ELAVL4: variants seen among roughly 807,000 people sequenced by gnomAD.
ELAVL4 encodes ELAV like RNA binding protein 4.
In ELAVL4, 1 loss-of-function variant was observed where a neutral mutation model predicts 35.6. That is an observed-to-expected ratio of 0.03 (90% CI 0.01 to 0.13). The LOEUF is 0.13. Ranked by LOEUF, ELAVL4 falls within the 10% of genes least tolerant of loss-of-function variation. The pLI, the probability that ELAVL4 is intolerant of heterozygous loss-of-function variation, is 1.00. For synonymous variants in ELAVL4, 156 were observed against 171.0 expected (o/e 0.91, Z 0.69); for missense variants, 267 against 464.9 (o/e 0.57, Z 3.91).
At chr1:50,199,452 T>G (rs2148895168) in intron 6 of ELAVL4, among the ~76,000 whole-genome samples, 1 of 152,288 alleles carries the variant, frequency 6.6e-6, no homozygotes, top group South Asian at 2.1e-4. Flanking sequence ...ATGCCTGTAA[T>G]CCCACCATTT....
intron 3 of ELAVL4, among the ~76,000 whole-genome samples, chr1:50,182,903 T>G (rs932985030): frequency 1.3e-5 from 2 of 151,938 alleles, no homozygotes; most frequent in African/African-American, 4.8e-5. Context: ...AGGGTCTCGC[T>G]TGGGAGTGCA....
At chr1:50,166,365 C>T (rs1041572676) in intron 2 of ELAVL4, among the ~76,000 whole-genome samples, 2 of 152,166 alleles carry the variant, frequency 1.3e-5, no homozygotes, top group African/African-American at 4.8e-5. Flanking sequence ...TACCATTATA[C>T]TGAGTTAACA....
At chr1:50,081,782 A>G (rs1191425106) in intron 1 of ELAVL4, among the ~76,000 whole-genome samples, 1 of 152,112 alleles carries the variant, frequency 6.6e-6, no homozygotes, top group East Asian at 1.9e-4. Context: ...GCACCCATCA[A>G]CCCGTCATCT....
At chr1:50,051,540 C>T (rs1281049940) in intron 1 of ELAVL4, among the ~76,000 whole-genome samples, 1 of 152,204 alleles carries the variant, frequency 6.6e-6, no homozygotes, top group Admixed American at 6.5e-5. Context: ...AAAAGTGGGG[C>T]AGTATATAAT....
chr1:50,153,333 T>G (rs1371918422), intron 2 of ELAVL4, among the ~76,000 whole-genome samples: 3 of 152,224 alleles, frequency 2.0e-5, no homozygotes, highest in African/African-American at 7.2e-5. Flanking sequence ...GTGCTAGGCA[T>G]ATTATAGATG....
upstream of ELAVL4, chr1:50,106,453 C>T: frequency 7.3e-7 from 1 of 1,376,206 alleles, no homozygotes; most frequent in Non-Finnish European, 1.0e-6. Flanking sequence ...TTTTAGGTTG[C>T]CTTAGCTGCT....
chr1:50,136,574 AACACCTTT>A (rs1671923156), intron 1 of ELAVL4, among the ~76,000 whole-genome samples: 1 of 152,158 alleles, frequency 6.6e-6, no homozygotes, highest in African/African-American at 2.4e-5. Context: ...GGTAAAAGAA[AACACCTTT>A]ACATACTCAT....
chr1:50,051,958 A>G (rs151072516), intron 1 of ELAVL4, among the ~76,000 whole-genome samples: 5 of 152,136 alleles, frequency 3.3e-5, no homozygotes, highest in African/African-American at 9.6e-5. Context: ...ATCTCTTCAT[A>G]TGTTCTTTGC....
intron 4 of ELAVL4, among the ~76,000 whole-genome samples, chr1:50,194,873 G>C (rs1557864803): frequency 1.3e-5 from 2 of 152,162 alleles, no homozygotes; most frequent in East Asian, 3.9e-4. Context: ...GTGGAGAGGA[G>C]AGCATATCCC....
At chr1:50,092,842 C>T (rs1053211588) in intron 1 of ELAVL4, among the ~76,000 whole-genome samples, 19 of 152,084 alleles carry the variant, frequency 1.2e-4, no homozygotes, top group African/African-American at 1.9e-4. Context: ...AAGTTGTTGA[C>T]GTCAAAGAGC....
At chr1:50,133,655 A>AAGAAAGAAAGAAAGAAAG (rs1671395967) in intron 1 of ELAVL4, among the ~76,000 whole-genome samples, 2 of 127,014 alleles carry the variant, frequency 1.6e-5, no homozygotes, top group African/African-American at 5.7e-5. Context: ...AAGAAAGAGA[A>AAGAAAGAAAGAAAGAAAG]AGAAAGAAAG....
At chr1:50,174,938 T>C (rs965849749) in intron 2 of ELAVL4, among the ~76,000 whole-genome samples, 2 of 152,302 alleles carry the variant, frequency 1.3e-5, no homozygotes, top group Admixed American at 6.5e-5. Flanking sequence ...GGTCTAATTT[T>C]TGCTGTTAAG....
intron 1 of ELAVL4, among the ~76,000 whole-genome samples, chr1:50,132,873 G>A (rs1406230946): frequency 1.3e-5 from 2 of 152,156 alleles, no homozygotes; most frequent in East Asian, 3.8e-4. Context: ...GGAGAAAAGT[G>A]TAACAATCAC....
chr1:50,156,046 C>CACA (rs1675681382), intron 2 of ELAVL4, among the ~76,000 whole-genome samples: 3 of 151,768 alleles, frequency 2.0e-5, no homozygotes. Context: ...CACACACACA[C>CACA]ACACATCCCC....
At chr1:50,160,737 C>G (rs1676654168) in intron 2 of ELAVL4, among the ~76,000 whole-genome samples, 1 of 152,172 alleles carries the variant, frequency 6.6e-6, no homozygotes, top group Non-Finnish European at 1.5e-5. Flanking sequence ...TGAGTGAGAG[C>G]CATAAATGTC....
intron 3 of ELAVL4, among the ~76,000 whole-genome samples, chr1:50,190,529 G>A (rs1682511782): frequency 6.6e-6 from 1 of 152,222 alleles, no homozygotes; most frequent in South Asian, 2.1e-4. Context: ...CCATATAGGT[G>A]AGAAATACTA....
At chr1:50,188,575 G>C (rs1682186779) in intron 3 of ELAVL4, among the ~76,000 whole-genome samples, 1 of 152,164 alleles carries the variant, frequency 6.6e-6, no homozygotes, top group Admixed American at 6.5e-5. Context: ...CATGGACACA[G>C]TGGGCTCCAT....
At position 50,097,747 on chromosome 1, in the gene ELAVL4, C is replaced by T. The variant is rs531069795; in HGVS notation, c.19-47210C>T. ...ATGTTAGGTAGATGGTTCAGTTTGG[C>T]TAACTACTGACACTACGTCAAAGAT... is the stretch of plus-strand genomic sequence containing the variant. On this transcript the variant is annotated intron_variant, in intron 1 of 6. Transcript: ENST00000448907. 9.2e-5 allele frequency among the ~76,000 whole-genome samples: 14 copies of T among 152,294 alleles called. 1 individual carries two copies. In the East Asian group the frequency reaches 2.5e-3, roughly 27 times the overall value.
exon 1 of ELAVL4, chr1:50,048,080 T>A: frequency 1.4e-6 from 2 of 1,408,922 alleles, no homozygotes; most frequent in Non-Finnish European, 1.9e-6. Context: ...GCGAGAGCGG[T>A]GAGACTCTGC....
Sources: gnomAD v4.1 joint callset for allele counts (sites outside exome capture counted in the v4.1 genomes callset) on GRCh38, gnomAD v4.1.1 for gene constraint, MANE v1.5 for transcripts, NCBI Gene and HGNC (gene_info 2026-07-23, HGNC 2026-07-21) for gene names.